The following DLG2 variants were observed in gnomAD, a reference collection of about 807,000 sequenced individuals.
DLG2 encodes disks large homolog 2.
Under a neutral mutation model 132.5 loss-of-function variants are expected in DLG2, and 45 were observed. That is an observed-to-expected ratio of 0.34 (90% CI 0.27 to 0.44). The LOEUF (loss-of-function observed/expected upper bound fraction) is 0.44. DLG2 is among the 20% of genes least tolerant of loss of function. DLG2 has a pLI of 1.00. For missense variants in DLG2, 1,045 were observed against 1,196.9 expected (o/e 0.87, Z 1.87); for synonymous variants, 424 against 419.6 (o/e 1.01, Z -0.13).
intron 21 of DLG2, among the ~76,000 whole-genome samples, chr11:83,528,149 T>G (rs1316110061): frequency 6.6e-6 from 1 of 152,078 alleles, no homozygotes; most frequent in Admixed American, 6.6e-5. Flanking sequence ...TCTGCATAGG[T>G]TGGACTTATC....
At chr11:85,029,732 A>G (rs2060851079) in intron 6 of DLG2, among the ~76,000 whole-genome samples, 1 of 152,146 alleles carries the variant, frequency 6.6e-6, no homozygotes, top group Admixed American at 6.5e-5. Flanking sequence ...CATAGCCTAC[A>G]CTTCTGCCAA....
chr11:85,463,220 T>C (rs1351973863), intron 3 of DLG2, among the ~76,000 whole-genome samples: 2 of 152,228 alleles, frequency 1.3e-5, no homozygotes, highest in African/African-American at 4.8e-5. Flanking sequence ...CAAGGTTGGA[T>C]ACATTATCTC....
At chr11:83,832,640 A>G (rs914814968) in intron 17 of DLG2, among the ~76,000 whole-genome samples, 2 of 152,092 alleles carry the variant, frequency 1.3e-5, no homozygotes, top group Non-Finnish European at 2.9e-5. Context: ...TGATTGAAAA[A>G]CTACTGGGTA....
intron 3 of DLG2, among the ~76,000 whole-genome samples, chr11:85,581,123 T>G (rs1045786377): frequency 1.1e-4 from 16 of 152,150 alleles, no homozygotes; most frequent in Non-Finnish European, 1.6e-4. Context: ...GCAGTGGCTG[T>G]GCTCCTCTTC....
At chr11:83,860,750 G>T (rs940738861) in intron 16 of DLG2, among the ~76,000 whole-genome samples, 59 of 152,126 alleles carry the variant, frequency 3.9e-4, no homozygotes, top group Non-Finnish European at 5.9e-5. Flanking sequence ...GAATAATATG[G>T]CTTCACTGTG....
intron 7 of DLG2, among the ~76,000 whole-genome samples, chr11:84,410,661 C>A (rs189001529): frequency 6.8e-6 from 1 of 146,214 alleles, no homozygotes; most frequent in East Asian, 2.1e-4. Flanking sequence ...CTCACTGCAA[C>A]CTCTGCCTCC....
chr11:84,439,595 C>G (rs2099011427), intron 7 of DLG2, among the ~76,000 whole-genome samples: 1 of 152,190 alleles, frequency 6.6e-6, no homozygotes, highest in South Asian at 2.1e-4. Context: ...CCTGTACTCT[C>G]TGGAGGAAAA....
chr11:84,168,820 C>G (rs11233931), intron 8 of DLG2, among the ~76,000 whole-genome samples: 1 of 73,970 alleles, frequency 1.4e-5, no homozygotes. Context: ...AACACACACA[C>G]ACACATACAC....
At chr11:85,198,432 G>A (rs1311279146) in intron 4 of DLG2, among the ~76,000 whole-genome samples, 1 of 151,988 alleles carries the variant, frequency 6.6e-6, no homozygotes, top group Admixed American at 6.6e-5. Flanking sequence ...ATTTCCACAA[G>A]TGGCATACTA....
intron 4 of DLG2, among the ~76,000 whole-genome samples, chr11:85,155,662 G>C (rs189277662): frequency 6.6e-6 from 1 of 152,172 alleles, no homozygotes; most frequent in East Asian, 1.9e-4. Context: ...CTGAGGTCAG[G>C]AGTTTGAGAC....
At chr11:85,079,484 AT>A (rs35913627) in intron 6 of DLG2, among the ~76,000 whole-genome samples, 20,720 of 137,604 alleles carry the variant, frequency 0.15, 1,731 homozygotes, top group African/African-American at 0.25. Context: ...GAGGCTTAGA[AT>A]TTTTTTTTTT....
chr11:85,047,992 C>T (rs895722506), intron 6 of DLG2, among the ~76,000 whole-genome samples: 3 of 151,868 alleles, frequency 2.0e-5, no homozygotes, highest in African/African-American at 4.8e-5. Flanking sequence ...TTCTAGCTTT[C>T]ATTCATAGTA....
At chr11:84,865,600 T>C (rs10501576) in intron 6 of DLG2, among the ~76,000 whole-genome samples, 40,615 of 152,024 alleles carry the variant, frequency 0.27, 5,940 homozygotes, top group Non-Finnish European at 0.31. Flanking sequence ...AACTGCAGAT[T>C]TTTCAAAGGT....
intron 9 of DLG2, among the ~76,000 whole-genome samples, chr11:84,133,144 A>G (rs1250553926): frequency 6.6e-6 from 1 of 152,092 alleles, no homozygotes; most frequent in African/African-American, 2.4e-5. Flanking sequence ...ACTTTGAAGG[A>G]ATACTTTTCC....
chr11:85,111,771 A>G lies in DLG2; in HGVS notation c.283-36T>C, dbSNP rs1363691564. 4.1e-6 allele frequency: 6 copies of G among 1,466,620 alleles called. No homozygotes were observed. In the South Asian group the frequency reaches 6.1e-5, roughly 15 times the overall value. The allele number at this position is 1,466,620 out of a possible 1,614,324, so 90.9% of individuals were successfully genotyped here. A position where few individuals can be genotyped will look rare whatever the true frequency, so the allele number is the denominator to read the frequency against. On this transcript the variant is annotated intron_variant, in intron 5 of 27. Coordinates refer to ENST00000376104, the MANE Select transcript of DLG2 (RefSeq NM_001142699.3). ...GTAAAAATTATATTATATTCTATTT[A>G]TTATGGGCCAGTATGTATATATGCT...
chr11:84,985,990 T>C (rs1312672554), intron 6 of DLG2, among the ~76,000 whole-genome samples: 1 of 7,830 alleles, frequency 1.3e-4, no homozygotes, highest in Non-Finnish European at 2.4e-4. Context: ...AGACTCCGTC[T>C]CAAAAAAAAA....
intron 21 of DLG2, among the ~76,000 whole-genome samples, chr11:83,488,619 T>G (rs1431064194): frequency 1.3e-5 from 2 of 152,030 alleles, no homozygotes; most frequent in East Asian, 3.8e-4. Flanking sequence ...TTCTTATTTC[T>G]CAAGCTTTAA....
chr11:85,012,485 T>C (rs1020613921), intron 6 of DLG2, among the ~76,000 whole-genome samples: 12 of 151,782 alleles, frequency 7.9e-5, no homozygotes, highest in Non-Finnish European at 1.6e-4. Context: ...GATCGCGCCA[T>C]TGCACTACAG....
At chr11:84,036,202 A>G (rs540645067) in intron 11 of DLG2, among the ~76,000 whole-genome samples, 1 of 152,138 alleles carries the variant, frequency 6.6e-6, no homozygotes, top group South Asian at 2.1e-4. Flanking sequence ...TCTAGGCTTT[A>G]GAGGTTAAAG....
Sources: gnomAD v4.1 joint callset for allele counts (sites outside exome capture counted in the v4.1 genomes callset) on GRCh38, gnomAD v4.1.1 for gene constraint, MANE v1.5 for transcripts, NCBI Gene and HGNC (gene_info 2026-07-23, HGNC 2026-07-21) for gene names.